Variants in MGAM observed in about 807,000 individuals in gnomAD.
MGAM encodes alpha-1,4-glucosidase.
MGAM carries 253 observed loss-of-function variants against 358.8 expected under a neutral mutation model. The ratio of observed to expected loss-of-function variants is 0.71; its 90% CI spans 0.64 to 0.78. The LOEUF is 0.78. Among genes scored for constraint, MGAM ranks in the 30% least tolerant of loss-of-function variants. MGAM has a pLI of 0.00. For synonymous variants in MGAM, 1,105 were observed against 1,227.1 expected (o/e 0.90, Z 2.08); for missense variants, 3,080 against 3,432.6 (o/e 0.90, Z 2.57).
chr7:142,095,980 A>G (rs1429656310), intron 64 of MGAM: 2 of 618,422 alleles, frequency 3.2e-6, no homozygotes, highest in African/African-American at 1.8e-5. Context: ...AGGCCTATCT[A>G]TCTTTTGTAG....
At chr7:142,049,328 A>G (rs1810713901) in intron 22 of MGAM, among the ~76,000 whole-genome samples, 2 of 152,314 alleles carry the variant, frequency 1.3e-5, no homozygotes, top group South Asian at 4.1e-4. Context: ...CTTAAATGTA[A>G]GGGTTGAAAT....
chr7:142,043,874 CAT>C (rs1809492637), intron 21 of MGAM, among the ~76,000 whole-genome samples: 1 of 118,872 alleles, frequency 8.4e-6, no homozygotes, highest in African/African-American at 2.9e-5. Flanking sequence ...ATTATATACA[CAT>C]ACGACGTATA....
Position 142,088,822 on chromosome 7 carries a change from C to CATCTATCTATCTATCT in MGAM, c.6810+2139_6810+2154dup, listed in dbSNP as rs71166559. Among the ~76,000 whole-genome samples, 586 of 124,786 alleles carry CATCTATCTATCTATCT rather than the reference C, an allele frequency of 4.7e-3. 52 individuals carry two copies. Among genetic ancestry groups the CATCTATCTATCTATCT allele is most frequent in the Admixed American group, 9.6e-3 (113 of 11,732 alleles). 81.9% of individuals were successfully genotyped at this position (124,786 alleles called of 152,430 possible). A position where few individuals can be genotyped will look rare whatever the true frequency, so the allele number is the denominator to read the frequency against. On this transcript the variant is annotated intron_variant, in intron 57 of 70. Transcript: ENST00000475668. ...CTATCATTCTATCCTATCTATGTAC[C>CATCTATCTATCTATCT]ATCTATCTATCTATCTATCTATCTA...
intron 8 of MGAM, among the ~76,000 whole-genome samples, chr7:142,026,575 A>G (rs28379279): frequency 0.049 from 7,516 of 152,266 alleles, 410 homozygotes; most frequent in African/African-American, 0.13. Flanking sequence ...AACAAATGAC[A>G]TTTTGGAAAG....
At chr7:142,098,167 G>A (rs113245448) in intron 66 of MGAM, among the ~76,000 whole-genome samples, 3 of 152,084 alleles carry the variant, frequency 2.0e-5, no homozygotes, top group African/African-American at 7.2e-5. Flanking sequence ...CAGAGGTATG[G>A]GACCCAACCC....
In MGAM at chr7:142,076,281, G is replaced by A. The variant is rs1813725306; in HGVS notation, c.5325+29G>A. 5.3e-6 allele frequency: 8 copies of A among 1,499,800 alleles called. 1 individual carries two copies. The highest frequency in any genetic ancestry group is 7.4e-6 in the Non-Finnish European group (8 of 1,085,876). The allele number at this position is 1,499,800 out of a possible 1,614,324, so 92.9% of individuals were successfully genotyped here. A position where few individuals can be genotyped will look rare whatever the true frequency, so the allele number is the denominator to read the frequency against. On this transcript the variant is annotated intron_variant, in intron 46 of 70. Coordinates refer to ENST00000475668, the MANE Select transcript of MGAM (RefSeq NM_001365693.1). ...AGTAGCATATTTTTATGAATCTTAGGTGTGGGCTTTGGACTGACCATTAGC... is the reference window on the plus strand; with the variant it reads ...AGTAGCATATTTTTATGAATCTTAGATGTGGGCTTTGGACTGACCATTAGC...
At chr7:142,085,626 A>G (rs146867778) in intron 54 of MGAM, among the ~76,000 whole-genome samples, 5 of 145,950 alleles carry the variant, frequency 3.4e-5, no homozygotes, top group African/African-American at 1.2e-4. Flanking sequence ...TTTTATGCTG[A>G]CTTTGATTTT....
chr7:142,055,823 C>T, intron 28 of MGAM, 97 bp downstream of exon 28: 1 of 1,567,884 alleles, frequency 6.4e-7, no homozygotes, highest in Non-Finnish European at 8.6e-7. Context: ...TTGGTCATCA[C>T]ATTCTGCTTT....
chr7:142,013,272 G>A (rs1805730006), intron 3 of MGAM, among the ~76,000 whole-genome samples: 1 of 152,012 alleles, frequency 6.6e-6, no homozygotes, highest in African/African-American at 2.4e-5. Context: ...GAGTGACTGA[G>A]GTCTAATGCG....
rs1419721434 is a variant in MGAM at position 142,060,790 on chromosome 7, GACTGACTA to G, written c.4122+418_4122+425del. Among the ~76,000 whole-genome samples, 5 of 152,204 alleles carry G rather than the reference GACTGACTA, an allele frequency of 3.3e-5. No individual in the cohort carries two copies. The East Asian group carries it at 9.7e-4, about 29-fold the overall frequency. On this transcript the variant is annotated intron_variant, in intron 34 of 70. Transcript: ENST00000475668. ...TTTTAAACAGTCTTCAACCCTCGAA[GACTGACTA>G]GGTCATTTTCTTTGTATATCTTTCT...
In MGAM at chr7:142,084,564, C is replaced by T. The variant is rs761663104; in HGVS notation, c.6427C>T (p.Gln2143Ter). 5.8e-6 allele frequency: 9 copies of T among 1,555,810 alleles called. 1 individual carries two copies. In the South Asian group the frequency reaches 9.0e-5, roughly 16 times the overall value. Residue 2143 changes from glutamine (Q) to a stop codon, truncating the protein, a stop_gained, in exon 54 of 71, where the codon CAG (glutamine) becomes TAG (stop). Coordinates refer to ENST00000475668, the MANE Select transcript of MGAM (RefSeq NM_001365693.1). LOFTEE classifies it high-confidence loss of function. ...GGTACCTTACTGGTCTTTGGGGTTC[C>T]AGCTGTGTCGCTATGGCTACCAGAA... The part of the protein sequence containing the change: ...VMVPYWSLGF[Q>*]LCRYGYQNDS...
At chr7:142,017,360 A>G (rs1363055327) in intron 3 of MGAM, among the ~76,000 whole-genome samples, 1 of 152,000 alleles carries the variant, frequency 6.6e-6, no homozygotes, top group African/African-American at 2.4e-5. Flanking sequence ...GTTTCTTTCT[A>G]AATCTATTTT....
intron 52 of MGAM, among the ~76,000 whole-genome samples, chr7:142,083,034 C>T (rs925361062): frequency 6.8e-6 from 1 of 146,152 alleles, no homozygotes; most frequent in African/African-American, 2.4e-5. Flanking sequence ...CATGTACCTC[C>T]TTATCCAAAA....
chr7:142,096,085 T>C lies in MGAM; in HGVS notation c.7608-246T>C, dbSNP rs545394658. ...CCTTGCATTTGAAGTTTGCCATGGT[T>C]GAGAAATGGGGCAAGTATTTTACAA... On this transcript the variant is annotated intron_variant, in intron 64 of 70. Coordinates refer to ENST00000475668, the MANE Select transcript of MGAM (RefSeq NM_001365693.1). 1.3e-4 allele frequency: 80 copies of C among 602,062 alleles called. No homozygotes were observed. The African/African-American group carries it at 1.4e-3, about 10-fold the overall frequency. The allele number at this position is 602,062 out of a possible 1,614,324, so 37.3% of individuals were successfully genotyped here.
In MGAM at chr7:142,027,614, T is replaced by C. The variant is rs1415283659; in HGVS notation, c.1100T>C (p.Ile367Thr). The C allele has an allele frequency of 1.1e-5, 17 of 1,613,284 alleles. No individual in the cohort carries two copies. The highest frequency in any genetic ancestry group is 1.4e-5 in the Non-Finnish European group (16 of 1,179,636). The change falls in exon 10 of 71, where the codon ATT becomes ACT. Residue 367 changes from isoleucine (I) to threonine (T), a missense_variant. Coordinates refer to ENST00000475668, the MANE Select transcript of MGAM (RefSeq NM_001365693.1). ...CACTTCACATATTTCTTTCAGCTCA[T>C]TGGGCGGCCAGCCCTTCCCTCCTAC... ...EQVVQEYLEL[I>T]GRPALPSYWA... is the part of the protein sequence containing the mutation.
At chr7:142,101,452 A>T (rs1362862365) in intron 68 of MGAM, among the ~76,000 whole-genome samples, 1 of 151,278 alleles carries the variant, frequency 6.6e-6, no homozygotes, top group Non-Finnish European at 1.5e-5. Flanking sequence ...AGCATTTGAA[A>T]TGTGTGACAA....
At chr7:142,090,603 A>T (rs1406777421) in intron 57 of MGAM, among the ~76,000 whole-genome samples, 1 of 145,872 alleles carries the variant, frequency 6.9e-6, no homozygotes, top group East Asian at 2.0e-4. Context: ...TTATGTAGAC[A>T]TATGGGTTCC....
intron 25 of MGAM, 97 bp downstream of exon 25, chr7:142,052,543 C>T (rs1258924827): frequency 6.7e-7 from 1 of 1,491,294 alleles, no homozygotes; most frequent in Non-Finnish European, 9.0e-7. Flanking sequence ...TACTTAAAAT[C>T]CATAGAAAGA....
At chr7:142,052,552 G>T (rs1585016209) in intron 25 of MGAM, 106 bp downstream of exon 25, 2 of 1,463,246 alleles carry the variant, frequency 1.4e-6, no homozygotes, top group South Asian at 1.3e-5. Context: ...TCCATAGAAA[G>T]AACTTCCTAA....
Sources: allele counts gnomAD v4.1 joint callset (sites outside exome capture counted in the v4.1 genomes callset), GRCh38; gene constraint gnomAD v4.1.1; transcripts MANE v1.5; gene names NCBI Gene and HGNC (gene_info 2026-07-23, HGNC 2026-07-21).